Variants in CDH13 observed in about 807,000 individuals in gnomAD.
CDH13 encodes cadherin 13, also known as cadherin-13.
CDH13 carries 24 observed loss-of-function variants against 63.8 expected under a neutral mutation model. That is an observed-to-expected ratio of 0.38 (90% CI 0.27 to 0.53). The LOEUF is 0.53. Among genes scored for constraint, CDH13 ranks in the 20% least tolerant of loss-of-function variants. The probability of loss-of-function intolerance (pLI) is 0.85; values close to 1 mark genes in which losing one functional copy is unlikely to be tolerated. For synonymous variants in CDH13, 503 were observed against 355.3 expected (o/e 1.42, Z -4.67); for missense variants, 1,049 against 903.1 (o/e 1.16, Z -2.07).
chr16:83,255,702 G>T (rs776141489), intron 5 of CDH13, among the ~76,000 whole-genome samples: 2 of 152,120 alleles, frequency 1.3e-5, no homozygotes, highest in Non-Finnish European at 2.9e-5. Flanking sequence ...CTTTTATTAT[G>T]CTCTTTTCAA....
intron 5 of CDH13, among the ~76,000 whole-genome samples, chr16:83,308,911 G>A (rs933844159): frequency 6.6e-6 from 1 of 152,216 alleles, no homozygotes; most frequent in African/African-American, 2.4e-5. Flanking sequence ...GGGGATTCGG[G>A]AAGCCTCCAA....
chr16:82,648,797 A>G (rs1051936811), intron 1 of CDH13, among the ~76,000 whole-genome samples: 19 of 152,202 alleles, frequency 1.2e-4, no homozygotes, highest in African/African-American at 4.6e-4. Flanking sequence ...AGGTGGTAAG[A>G]CCCAGTGAAA....
chr16:83,650,328 G>T (rs1218959900), intron 8 of CDH13, among the ~76,000 whole-genome samples: 1 of 152,136 alleles, frequency 6.6e-6, no homozygotes, highest in African/African-American at 2.4e-5. Flanking sequence ...ATAGTCTTTG[G>T]TTTTACCCTT....
chr16:82,996,282 C>T (rs888636098), intron 2 of CDH13, among the ~76,000 whole-genome samples: 1 of 152,054 alleles, frequency 6.6e-6, no homozygotes, highest in Non-Finnish European at 1.5e-5. Context: ...AAAGAGTAAA[C>T]CCTCTTCCTC....
chr16:83,017,452 C>T (rs1224637145), intron 2 of CDH13, among the ~76,000 whole-genome samples: 2 of 152,282 alleles, frequency 1.3e-5, no homozygotes, highest in Middle Eastern at 3.4e-3. Context: ...TCCCAAGGAC[C>T]TGGAACTGGA....
At chr16:82,773,145 C>A (rs893443139) in intron 1 of CDH13, among the ~76,000 whole-genome samples, 1 of 152,172 alleles carries the variant, frequency 6.6e-6, no homozygotes, top group Admixed American at 6.5e-5. Flanking sequence ...GATACAGAGG[C>A]TGAGAAAGGC....
intron 5 of CDH13, among the ~76,000 whole-genome samples, chr16:83,321,492 C>A (rs1027254205): frequency 2.1e-5 from 3 of 145,950 alleles, no homozygotes. Context: ...CATACCTCCT[C>A]ATTTTTTTTT....
chr16:82,818,106 A>T (rs2037813283), intron 1 of CDH13, among the ~76,000 whole-genome samples: 1 of 139,850 alleles, frequency 7.2e-6, no homozygotes. Flanking sequence ...TCACTCATAC[A>T]TGTATGGTTG....
intron 4 of CDH13, among the ~76,000 whole-genome samples, chr16:83,208,655 C>G (rs1004360310): frequency 2.6e-5 from 4 of 152,174 alleles, no homozygotes; most frequent in Non-Finnish European, 5.9e-5. Context: ...TACCTTCATC[C>G]TCTAAAGACC....
intron 7 of CDH13, among the ~76,000 whole-genome samples, chr16:83,543,743 C>G (rs897950933): frequency 2.6e-5 from 4 of 152,168 alleles, no homozygotes; most frequent in African/African-American, 9.7e-5. Context: ...CTGCTCTCAT[C>G]TAATGGACAG....
chr16:83,104,789 G>C (rs1348884217), intron 3 of CDH13, among the ~76,000 whole-genome samples: 1 of 152,192 alleles, frequency 6.6e-6, no homozygotes, highest in Non-Finnish European at 1.5e-5. Flanking sequence ...TAATTTTAGA[G>C]TTTGCAGCCA....
intron 3 of CDH13, among the ~76,000 whole-genome samples, chr16:83,086,612 A>G (rs1178805979): frequency 1.3e-5 from 2 of 152,226 alleles, no homozygotes; most frequent in Non-Finnish European, 2.9e-5. Flanking sequence ...ATATCCTGAC[A>G]TTGCTGTTTT....
At chr16:83,474,620 T>C (rs2073553148) in intron 6 of CDH13, among the ~76,000 whole-genome samples, 1 of 152,092 alleles carries the variant, frequency 6.6e-6, no homozygotes, top group Non-Finnish European at 1.5e-5. Context: ...GCAGAAGTAT[T>C]TCATTAAAAA....
intron 5 of CDH13, among the ~76,000 whole-genome samples, chr16:83,276,038 G>C (rs1005382428): frequency 6.6e-6 from 1 of 152,226 alleles, no homozygotes; most frequent in African/African-American, 2.4e-5. Flanking sequence ...GAGTTAATTA[G>C]AACCTGAACA....
At position 83,155,578 on chromosome 16, in the gene CDH13, CAAACAAGTT is replaced by C. The variant is rs150915038; in HGVS notation, c.483+30081_483+30089del. ...CCTCAACAGTGCATATAGCTAAAGT[CAAACAAGTT>C]AAATGTGCATGTTAGGCAACTCTAG... On this transcript the variant is annotated intron_variant, in intron 4 of 13. Coordinates refer to ENST00000567109, the MANE Select transcript of CDH13 (RefSeq NM_001257.5). 6.3e-3 allele frequency among the ~76,000 whole-genome samples: 955 copies of C among 152,234 alleles called. 11 individuals carry two copies. Among genetic ancestry groups the C allele is most frequent in the African/African-American group, 0.022 (922 of 41,536 alleles).
chr16:83,008,846 A>C (rs1913820684), intron 2 of CDH13, among the ~76,000 whole-genome samples: 1 of 152,220 alleles, frequency 6.6e-6, no homozygotes, highest in African/African-American at 2.4e-5. Context: ...TTATGGAAGA[A>C]AGAGGTTTCA....
chr16:83,232,171 C>T (rs1053860543), intron 5 of CDH13, among the ~76,000 whole-genome samples: 1 of 144,826 alleles, frequency 6.9e-6, no homozygotes, highest in Non-Finnish European at 1.5e-5. Context: ...GCCTGTGTAA[C>T]AAGCCTGCCC....
At chr16:83,315,436 C>T (rs1002563020) in intron 5 of CDH13, among the ~76,000 whole-genome samples, 1 of 152,162 alleles carries the variant, frequency 6.6e-6, no homozygotes, top group African/African-American at 2.4e-5. Flanking sequence ...ACCTCACCTC[C>T]AACCCCACTG....
chr16:83,703,829 C>A (rs931542543), intron 10 of CDH13, among the ~76,000 whole-genome samples: 2 of 152,136 alleles, frequency 1.3e-5, no homozygotes, highest in African/African-American at 2.4e-5. Flanking sequence ...TTGCCTAGAC[C>A]AACATGCCTC....
Sources: allele counts gnomAD v4.1 joint callset (sites outside exome capture counted in the v4.1 genomes callset), GRCh38; gene constraint gnomAD v4.1.1; transcripts MANE v1.5; gene names NCBI Gene and HGNC (gene_info 2026-07-23, HGNC 2026-07-21).